KANSL1: variants seen among roughly 807,000 people sequenced by gnomAD.
KANSL1 encodes the protein KAT8 regulatory NSL complex subunit 1.
KANSL1 carries 22 observed loss-of-function variants against 103.6 expected under a neutral mutation model. The ratio of observed to expected loss-of-function variants is 0.21; its 90% CI spans 0.15 to 0.30. The LOEUF (loss-of-function observed/expected upper bound fraction) is 0.30. Among genes scored for constraint, KANSL1 ranks in the 10% least tolerant of loss-of-function variants. KANSL1 has a pLI of 1.00. For synonymous variants in KANSL1, 600 were observed against 527.6 expected, an observed-to-expected ratio of 1.14 and a Z score of -1.88; for missense variants, 1,337 against 1,399.8, an observed-to-expected ratio of 0.96 and a Z score of 0.72.
At position 46,031,121 on chromosome 17, in the gene KANSL1, G is replaced by GCCCA; in HGVS notation, c.*354_*355insTGGG. ...AGAAGGCCATGCTAAACTGTAGCCC[G>GCCCA]CCAGGCTGTTCTGCCCTGCCCACAG... On this transcript the variant is annotated 3_prime_UTR_variant, in exon 15 of 15. Coordinates refer to ENST00000432791, the MANE Select transcript of KANSL1 (RefSeq NM_015443.4). 1 of 266,898 alleles carries GCCCA rather than the reference G, an allele frequency of 3.7e-6. No individual in the cohort carries two copies. Among genetic ancestry groups the GCCCA allele is most frequent in the Non-Finnish European group, 7.4e-6 (1 of 134,950 alleles). The allele number at this position is 266,898 out of a possible 1,614,324, so 16.5% of individuals were successfully genotyped here.
chr17:46,050,516 T>C lies in KANSL1; in HGVS notation c.2020+17A>G. ...AAGTTTCTTTCATTAGACTTTCTAG[T>C]CTGTGGTCTTTCTTACCATCTGGAA... On this transcript the variant is annotated intron_variant, in intron 7 of 14. Transcript: ENST00000432791. 6.2e-7 allele frequency: 1 copy of C among 1,612,488 alleles called. No homozygotes were observed. Among genetic ancestry groups the C allele is most frequent in the Non-Finnish European group, 8.5e-7 (1 of 1,178,720 alleles).
At chr17:46,095,903 T>C (rs1324956623) in intron 2 of KANSL1, among the ~76,000 whole-genome samples, 3 of 152,156 alleles carry the variant, frequency 2.0e-5, no homozygotes, top group Non-Finnish European at 4.4e-5. Context: ...TAAAAATGTG[T>C]CATCTCGTTA....
At chr17:46,092,973 A>C (rs1275286185) in intron 3 of KANSL1, 1 of 152,210 alleles carries the variant, frequency 6.6e-6, no homozygotes, top group Non-Finnish European at 1.5e-5. Flanking sequence ...TATAACAAGG[A>C]ACTAAGATGA....
intron 1 of KANSL1, among the ~76,000 whole-genome samples, chr17:46,176,465 CG>C (rs2046524462): frequency 1.3e-5 from 2 of 152,116 alleles, no homozygotes; most frequent in African/African-American, 2.4e-5. Flanking sequence ...CCGAGGCAGG[CG>C]TATCACCTGA....
intron 2 of KANSL1, among the ~76,000 whole-genome samples, chr17:46,164,228 G>A (rs2045887807): frequency 6.6e-6 from 1 of 152,198 alleles, no homozygotes; most frequent in South Asian, 2.1e-4. Flanking sequence ...ATCACAAGGT[G>A]GCAGAAAACA....
At chr17:46,038,901 T>C (rs933673538) in intron 9 of KANSL1, 126 bp downstream of exon 9, 1 of 1,243,192 alleles carries the variant, frequency 8.0e-7, no homozygotes, top group Admixed American at 2.2e-5. Context: ...AGCAGTAGCG[T>C]CCCTCTACTC....
At chr17:46,102,813 A>G (rs1422868602) in intron 2 of KANSL1, among the ~76,000 whole-genome samples, 1 of 152,240 alleles carries the variant, frequency 6.6e-6, no homozygotes, top group African/African-American at 2.4e-5. Flanking sequence ...ACTGTGGCTA[A>G]AGTTTACAAT....
At chr17:46,160,762 C>T (rs1282665497) in intron 2 of KANSL1, among the ~76,000 whole-genome samples, 1 of 147,424 alleles carries the variant, frequency 6.8e-6, no homozygotes, top group Non-Finnish European at 1.5e-5. Flanking sequence ...AACATAAATG[C>T]CATTATTTTA....
chr17:46,190,469 G>C (rs1354618677), intron 1 of KANSL1, among the ~76,000 whole-genome samples: 1 of 152,258 alleles, frequency 6.6e-6, no homozygotes, highest in East Asian at 1.9e-4. Flanking sequence ...AAAGATGCAA[G>C]AAAACTTCTA....
intron 6 of KANSL1, among the ~76,000 whole-genome samples, chr17:46,052,793 T>TA (rs2077757865): frequency 3.0e-5 from 2 of 66,976 alleles, no homozygotes; most frequent in Non-Finnish European, 3.2e-5. Context: ...AAATTTAAAA[T>TA]TAAAAAAAAA....
intron 4 of KANSL1, among the ~76,000 whole-genome samples, chr17:46,067,969 T>C (rs1023109583): frequency 1.3e-5 from 2 of 149,652 alleles, no homozygotes; most frequent in South Asian, 4.3e-4. Context: ...GAGAGAGAGG[T>C]TGACAGAGAG....
In KANSL1 at chr17:46,039,750, C is replaced by G. The variant is rs546820304; in HGVS notation, c.2155G>C (p.Ala719Pro). ...ACCAATTTGTGCCTGTCCTTACGAG[C>G]TGAATCTGGCAGACTGCCCGGCATG... Reference protein sequence around the residue: ...APMPGSLPDSARKDRHKLVSS... With the variant: ...APMPGSLPDSPRKDRHKLVSS... The change falls in exon 8 of 15, where the codon GCT becomes CCT. Residue 719 changes from alanine (A) to proline (P), a missense_variant. Transcript: ENST00000432791. The G allele has an allele frequency of 6.8e-6, 11 of 1,614,032 alleles. No individual in the cohort carries two copies. The highest frequency in any genetic ancestry group is 5.1e-6 in the Non-Finnish European group (6 of 1,180,016).
At chr17:46,178,336 T>C (rs1054213527) in intron 1 of KANSL1, among the ~76,000 whole-genome samples, 2 of 152,246 alleles carry the variant, frequency 1.3e-5, no homozygotes, top group African/African-American at 4.8e-5. Flanking sequence ...TTAAAAGCTA[T>C]AATTAACTGA....
intron 2 of KANSL1, among the ~76,000 whole-genome samples, chr17:46,158,574 T>G (rs2045562017): frequency 6.6e-6 from 1 of 152,180 alleles, no homozygotes; most frequent in African/African-American, 2.4e-5. Flanking sequence ...TGAGTCTCGC[T>G]CTATCGCCCA....
intron 2 of KANSL1, among the ~76,000 whole-genome samples, chr17:46,115,968 T>G (rs2043027651): frequency 6.6e-6 from 1 of 152,206 alleles, no homozygotes; most frequent in Non-Finnish European, 1.5e-5. Flanking sequence ...GAAACTACGG[T>G]GGAAACGTTT....
chr17:46,112,228 C>CATG (rs2042840436), intron 2 of KANSL1, among the ~76,000 whole-genome samples: 1 of 151,520 alleles, frequency 6.6e-6, no homozygotes, highest in Non-Finnish European at 1.5e-5. Flanking sequence ...ATTAGCCAGG[C>CATG]ATGATGGGGT....
chr17:46,083,440 G>A (rs2079051558), intron 3 of KANSL1, among the ~76,000 whole-genome samples: 1 of 152,082 alleles, frequency 6.6e-6, no homozygotes, highest in Non-Finnish European at 1.5e-5. Context: ...AGAATCACCT[G>A]GGGAACCTTA....
At chr17:46,066,493 T>C (rs1180585047) in intron 6 of KANSL1, 44 bp downstream of exon 6, 1 of 1,510,114 alleles carries the variant, frequency 6.6e-7, no homozygotes. Flanking sequence ...TATCTGAGCA[T>C]CTGGCTCACT....
intron 2 of KANSL1, among the ~76,000 whole-genome samples, chr17:46,134,831 T>A (rs1460997656): frequency 1.3e-5 from 2 of 150,770 alleles, no homozygotes; most frequent in Admixed American, 1.3e-4. Flanking sequence ...GGCAACAGAG[T>A]GAGACTCGGT....
Sources: allele counts gnomAD v4.1 joint callset (sites outside exome capture counted in the v4.1 genomes callset), GRCh38; gene constraint gnomAD v4.1.1; transcripts MANE v1.5; gene names NCBI Gene and HGNC (gene_info 2026-07-23, HGNC 2026-07-21).